The following RNF185 variants were observed in gnomAD, a reference collection of about 807,000 sequenced individuals.
The protein encoded by RNF185 is E3 ubiquitin-protein ligase RNF185.
Under a neutral mutation model 24.9 loss-of-function variants are expected in RNF185, and 13 were observed. The observed-to-expected ratio is 0.52, with a 90% CI of 0.34 to 0.83. The LOEUF is 0.83. Ranked by LOEUF, RNF185 falls within the 40% of genes least tolerant of loss-of-function variation. RNF185 has a pLI of 0.01. For synonymous variants in RNF185, 79 were observed against 90.3 expected (o/e 0.88, Z 0.71); for missense variants, 184 against 244.7 (o/e 0.75, Z 1.65).
chr22:31,167,610 C>CTTTTTTTTTT (rs150121453), intron 1 of RNF185, among the ~76,000 whole-genome samples: 1 of 107,364 alleles, frequency 9.3e-6, no homozygotes, highest in African/African-American at 4.0e-5. Context: ...GGGTTTTTTC[C>CTTTTTTTTTT]TTTTTTTTTT....
intron 1 of RNF185, among the ~76,000 whole-genome samples, chr22:31,171,150 G>GATTTATTT (rs1344018155): frequency 5.5e-4 from 39 of 71,400 alleles, no homozygotes; most frequent in African/African-American, 1.1e-3. Context: ...GACCTTCTCT[G>GATTTATTT]ATTTACTTAT....
chr22:31,196,634 G>C (rs574718356), intron 4 of RNF185, among the ~76,000 whole-genome samples: 1 of 152,216 alleles, frequency 6.6e-6, no homozygotes, highest in Non-Finnish European at 1.5e-5. Context: ...CCCAGGGAAG[G>C]CATCTGGCCA....
chr22:31,167,596 A>AG (rs1185068794), intron 1 of RNF185, among the ~76,000 whole-genome samples: 1 of 140,072 alleles, frequency 7.1e-6, no homozygotes, highest in Non-Finnish European at 1.5e-5. Flanking sequence ...ATGGAAACGT[A>AG]GGGGGGTTTT....
chr22:31,201,797 C>G (rs1417259512), intron 6 of RNF185, among the ~76,000 whole-genome samples, 182 bp downstream of exon 6: 1 of 152,136 alleles, frequency 6.6e-6, no homozygotes, highest in Non-Finnish European at 1.5e-5. Context: ...TGAGCACTTA[C>G]CAACTATTAG....
rs144898557 is a variant in RNF185, at chr22:31,190,475, C to T, written c.177-2209C>T. 5.3e-3 allele frequency among the ~76,000 whole-genome samples: 810 copies of T among 151,434 alleles called. 5 individuals carry two copies. Among genetic ancestry groups the T allele is most frequent in the African/African-American group, 0.018 (763 of 41,250 alleles). ...CTAATTTTTGTATTTTTAGTAGAGA[C>T]GGGGTTTTACCATGTTGGCCAGGCT... On this transcript the variant is annotated intron_variant, in intron 2 of 6. Coordinates refer to ENST00000326132, the MANE Select transcript of RNF185 (RefSeq NM_152267.4).
chr22:31,165,674 G>T (rs1042689463), intron 1 of RNF185, among the ~76,000 whole-genome samples: 8 of 152,226 alleles, frequency 5.3e-5, no homozygotes, highest in Non-Finnish European at 7.3e-5. Context: ...TGTGGAGTTG[G>T]AGTGGCCATG....
chr22:31,168,264 T>C (rs1233897727), intron 1 of RNF185, among the ~76,000 whole-genome samples: 10 of 152,186 alleles, frequency 6.6e-5, no homozygotes. Context: ...AAGTGAACTT[T>C]CTGCCTCAGC....
intron 1 of RNF185, among the ~76,000 whole-genome samples, chr22:31,164,873 C>A (rs1040049911): frequency 6.7e-5 from 10 of 150,314 alleles, no homozygotes; most frequent in Non-Finnish European, 1.0e-4. Flanking sequence ...GGTGTGCCAC[C>A]ACACCCGGCC....
intron 1 of RNF185, among the ~76,000 whole-genome samples, chr22:31,182,245 G>A (rs554606984): frequency 6.6e-6 from 1 of 151,198 alleles, no homozygotes; most frequent in Non-Finnish European, 1.5e-5. Context: ...CTGACTGTCT[G>A]GGGCTACAGG....
chr22:31,204,650 GGT>G lies in RNF185; in HGVS notation c.*67_*68del. ...CTGGTGACGTGCCACCCCAACTCCT[GGT>G]GTTTGGCTTCCTGGCTAATCTTGAC... On this transcript the variant is annotated 3_prime_UTR_variant, in exon 7 of 7. Transcript: ENST00000326132. The G allele has an allele frequency of 8.9e-7, 1 of 1,118,258 alleles. No homozygotes were observed. The highest frequency in any genetic ancestry group is 1.4e-6 in the Non-Finnish European group (1 of 730,884). The allele number at this position is 1,118,258 out of a possible 1,614,324, so 69.3% of individuals were successfully genotyped here.
At position 31,201,601 on chromosome 22, in the gene RNF185, G is replaced by A; in HGVS notation, c.467G>A (p.Gly156Glu). The A allele has an allele frequency of 1.2e-6, 2 of 1,609,482 alleles. No homozygotes were observed. Among genetic ancestry groups the A allele is most frequent in the Non-Finnish European group, 1.7e-6 (2 of 1,176,338 alleles). The change falls in exon 6 of 7, where the codon GGG becomes GAG. Residue 156 changes from glycine to glutamate, a missense_variant. Coordinates refer to ENST00000326132, the MANE Select transcript of RNF185 (RefSeq NM_152267.4). ...IFATAFNIND[G>E]RPPPAVPGTP... is the part of the protein sequence containing the mutation. ...GCCACAGCATTTAATATAAATGATG[G>A]GCGGCCTCCTCCAGGTAAGACCCTA...
At chr22:31,176,300 C>A (rs930919662) in intron 1 of RNF185, among the ~76,000 whole-genome samples, 111 of 148,106 alleles carry the variant, frequency 7.5e-4, no homozygotes, top group African/African-American at 2.8e-3. Context: ...GCAGTGGGCT[C>A]GCTGCAGCCT....
chr22:31,203,130 C>T (rs116814439), intron 6 of RNF185, among the ~76,000 whole-genome samples: 156 of 152,292 alleles, frequency 1.0e-3, no homozygotes, highest in African/African-American at 3.5e-3. Flanking sequence ...GTTCCACAGC[C>T]AGGCTAGACT....
chr22:31,196,968 G>A lies in RNF185; in HGVS notation c.341G>A (p.Arg114Lys). 6.2e-7 allele frequency: 1 copy of A among 1,613,600 alleles called. No individual in the cohort carries two copies. The highest frequency in any genetic ancestry group is 8.5e-7 in the Non-Finnish European group (1 of 1,179,722). ...ACCCCTCCTCGTCCTCAAGGACAGA[G>A]GCCAGAGCCGGAGAATAGAGGGGTG... ...EKTPPRPQGQ[R>K]PEPENRGGFQ... The change falls in exon 5 of 7, where the codon AGG (arginine) becomes AAG (lysine). Residue 114 changes from arginine (R) to lysine (K), a missense_variant. Physicochemically the swap from Arg to Lys is conservative, Grantham distance 26. Coordinates refer to ENST00000326132, the MANE Select transcript of RNF185 (RefSeq NM_152267.4).
chr22:31,160,720 A>G (rs768984829), intron 1 of RNF185, among the ~76,000 whole-genome samples: 5 of 152,120 alleles, frequency 3.3e-5, no homozygotes, highest in Non-Finnish European at 5.9e-5. Context: ...CCGACAGACA[A>G]TTGTGCGTTC....
rs774752617 is a variant in RNF185, at chr22:31,196,970, C to A, written c.343C>A (p.Pro115Thr). 2 of 1,613,416 alleles carry A rather than the reference C, an allele frequency of 1.2e-6. No homozygotes were observed. Residue 115 changes from proline to threonine, a missense_variant, in exon 5 of 7, where the codon CCA (proline) becomes ACA (threonine). Pro to Thr is a conservative substitution (Grantham distance 38). Coordinates refer to ENST00000326132, the MANE Select transcript of RNF185 (RefSeq NM_152267.4). ...KTPPRPQGQR[P>T]EPENRGGFQG... Reference sequence around the variant, plus strand: ...CCCTCCTCGTCCTCAAGGACAGAGGCCAGAGCCGGAGAATAGAGGGGTGAG... The same window carrying A: ...CCCTCCTCGTCCTCAAGGACAGAGGACAGAGCCGGAGAATAGAGGGGTGAG...
At chr22:31,184,744 T>C in intron 1 of RNF185, among the ~76,000 whole-genome samples, 1 of 151,938 alleles carries the variant, frequency 6.6e-6, no homozygotes, top group Non-Finnish European at 1.5e-5. Flanking sequence ...CAAAACCCCG[T>C]CTCCACCAAA....
At chr22:31,164,061 A>G (rs922822732) in intron 1 of RNF185, among the ~76,000 whole-genome samples, 1 of 151,918 alleles carries the variant, frequency 6.6e-6, no homozygotes, top group Non-Finnish European at 1.5e-5. Context: ...AGCTCACTGC[A>G]ACCTGTGCCT....
At chr22:31,174,208 A>G (rs923678712) in intron 1 of RNF185, among the ~76,000 whole-genome samples, 1 of 152,232 alleles carries the variant, frequency 6.6e-6, no homozygotes, top group Non-Finnish European at 1.5e-5. Context: ...CTGAAATCAC[A>G]GAATAAGTTG....
Sources: allele counts gnomAD v4.1 joint callset (sites outside exome capture counted in the v4.1 genomes callset), GRCh38; gene constraint gnomAD v4.1.1; transcripts MANE v1.5; gene names NCBI Gene and HGNC (gene_info 2026-07-23, HGNC 2026-07-21).